Variants in SDK2 observed in about 807,000 individuals in gnomAD.
The protein encoded by SDK2 is protein sidekick-2.
SDK2 carries 105 observed loss-of-function variants against 253.9 expected under a neutral mutation model. That is an observed-to-expected ratio of 0.41 (90% CI 0.35 to 0.49). SDK2 has a LOEUF of 0.49. Ranked by LOEUF, SDK2 falls within the 20% of genes least tolerant of loss-of-function variation. The probability of loss-of-function intolerance (pLI) is 0.06; values close to 1 mark genes in which losing one functional copy is unlikely to be tolerated. For missense variants in SDK2, 2,608 were observed against 3,003.0 expected (o/e 0.87, Z 3.07); for synonymous variants, 1,249 against 1,234.9 (o/e 1.01, Z -0.24).
intron 44 of SDK2, among the ~76,000 whole-genome samples, chr17:73,344,547 T>C (rs2062466508): frequency 6.6e-6 from 1 of 152,230 alleles, no homozygotes; most frequent in African/African-American, 2.4e-5. Flanking sequence ...TGAACCTCAG[T>C]TTCCCCAGCT....
At chr17:73,585,550 G>C (rs2045592063) in intron 1 of SDK2, among the ~76,000 whole-genome samples, 1 of 152,146 alleles carries the variant, frequency 6.6e-6, no homozygotes, top group Non-Finnish European at 1.5e-5. Context: ...AAGTCTCTTG[G>C]GTTCCTTTTG....
chr17:73,596,271 T>C (rs2045757225), intron 1 of SDK2, among the ~76,000 whole-genome samples: 1 of 152,014 alleles, frequency 6.6e-6, no homozygotes, highest in Non-Finnish European at 1.5e-5. Context: ...GAAGGCAGCC[T>C]GGCATATGGG....
chr17:73,544,985 TTTCTTCCTTGGGCCTCCACTCC>T lies in SDK2; in HGVS notation c.65-37410_65-37389del, dbSNP rs926232708. 3.3e-5 allele frequency among the ~76,000 whole-genome samples: 5 copies of T among 151,586 alleles called. No individual in the cohort carries two copies. In the East Asian group the frequency reaches 9.7e-4, roughly 29 times the overall value. ...CAAGCACACCCCCTTGTCAAGGCTC[TTTCTTCCTTGGGCCTCCACTCC>T]TTCTTCCTTGGGCCCCCTCCTGTTG... is the stretch of plus-strand genomic sequence containing the variant. On this transcript the variant is annotated intron_variant, in intron 1 of 44. Transcript: ENST00000392650.
At chr17:73,460,610 C>T (rs912110860) in intron 3 of SDK2, among the ~76,000 whole-genome samples, 2 of 152,158 alleles carry the variant, frequency 1.3e-5, no homozygotes, top group Non-Finnish European at 2.9e-5. Flanking sequence ...AACATCACCT[C>T]CTCAATGAAG....
rs1300988065 is a variant in SDK2 at position 73,465,712 on chromosome 17, G to C, written c.331+6400C>G. On this transcript the variant is annotated intron_variant, in intron 3 of 44. Coordinates refer to ENST00000392650, the MANE Select transcript of SDK2 (RefSeq NM_001144952.2). The surrounding 1 kb of genome is among the most constrained non-coding windows in gnomAD (Gnocchi z 4.2). The stretch of plus-strand genomic sequence containing the variant: ...GCCATTATCATTAGTTGTTAGCACA[G>C]CTGCCTTATTAATTTCTCATTAGAA... Among the ~76,000 whole-genome samples the C allele has an allele frequency of 6.6e-6, 1 of 152,156 alleles. No individual in the cohort carries two copies. The highest frequency in any genetic ancestry group is 6.5e-5 in the Admixed American group (1 of 15,280).
At chr17:73,614,979 TAA>T (rs57411997) in intron 1 of SDK2, among the ~76,000 whole-genome samples, 4,277 of 137,270 alleles carry the variant, frequency 0.031, 92 homozygotes, top group African/African-American at 0.068. Context: ...GAATAGAAGA[TAA>T]AAAAAAAAAA....
At chr17:73,371,993 A>G (rs888560611) in intron 36 of SDK2, among the ~76,000 whole-genome samples, 6 of 151,954 alleles carry the variant, frequency 3.9e-5, no homozygotes, top group African/African-American at 1.2e-4. Context: ...AAAAGGCATA[A>G]AAAGAGGAAA....
Position 73,499,744 on chromosome 17 carries a change from T to C in SDK2, c.224+7694A>G, listed in dbSNP as rs1279933738. On this transcript the variant is annotated intron_variant, in intron 2 of 44. Coordinates refer to ENST00000392650, the MANE Select transcript of SDK2 (RefSeq NM_001144952.2). ...CCCTCTCTGAACTTCAGGTTCTTCA[T>C]TTGCAGAATGAAGGTAATGAGATTC... 2.6e-5 allele frequency among the ~76,000 whole-genome samples: 4 copies of C among 152,172 alleles called. No individual in the cohort carries two copies. The East Asian group carries it at 7.7e-4, about 29-fold the overall frequency.
rs142113272 is a variant in SDK2 at position 73,436,460 on chromosome 17, C to A, written c.1001-816G>T. Among the ~76,000 whole-genome samples the A allele has an allele frequency of 3.5e-3, 528 of 151,878 alleles. 5 individuals are homozygous for A. The highest frequency in any genetic ancestry group is 0.013 in the African/African-American group (521 of 41,356). On this transcript the variant is annotated intron_variant, in intron 8 of 44. Coordinates refer to ENST00000392650, the MANE Select transcript of SDK2 (RefSeq NM_001144952.2). Reference sequence around the variant, plus strand: ...GGTGTGCTGATGCATGCCTGTAATCCCAGCTACTTGGGAGGCTGAGGCAGG... The same window carrying A: ...GGTGTGCTGATGCATGCCTGTAATCACAGCTACTTGGGAGGCTGAGGCAGG...
chr17:73,585,077 ACAC>A (rs954078297), intron 1 of SDK2, among the ~76,000 whole-genome samples: 2 of 152,212 alleles, frequency 1.3e-5, no homozygotes, highest in African/African-American at 4.8e-5. Flanking sequence ...TGCCCAGCAC[ACAC>A]AACAGTGCCC....
At chr17:73,500,133 A>ATCCATCCTCCC (rs2063875928) in intron 2 of SDK2, among the ~76,000 whole-genome samples, 2 of 97,672 alleles carry the variant, frequency 2.0e-5, no homozygotes, top group Admixed American at 2.2e-4. Flanking sequence ...TCCATCCTCC[A>ATCCATCCTCCC]TCCATCCTCC....
chr17:73,357,506 TC>T (rs1254759727), intron 40 of SDK2: 1 of 199,282 alleles, frequency 5.0e-6, no homozygotes, highest in East Asian at 1.8e-4. Context: ...GGCTGCAAGC[TC>T]CTGAGAGTAA....
intron 1 of SDK2, among the ~76,000 whole-genome samples, chr17:73,606,691 C>T (rs1444428246): frequency 1.3e-5 from 2 of 152,092 alleles, no homozygotes; most frequent in African/African-American, 4.8e-5. Context: ...TGGAAAGTCA[C>T]GATCGACTCT....
chr17:73,611,124 T>C (rs1255904703), intron 1 of SDK2, among the ~76,000 whole-genome samples: 1 of 152,226 alleles, frequency 6.6e-6, no homozygotes, highest in African/African-American at 2.4e-5. Context: ...TCCGAGGGGT[T>C]GTGGTGCCAC....
intron 3 of SDK2, among the ~76,000 whole-genome samples, chr17:73,459,256 C>T (rs1236090130): frequency 6.6e-6 from 1 of 152,208 alleles, no homozygotes; most frequent in African/African-American, 2.4e-5. Context: ...CTCCAGATCC[C>T]CTTCTGTCCA....
chr17:73,506,616 G>T (rs1367320343), intron 2 of SDK2, among the ~76,000 whole-genome samples: 1 of 152,230 alleles, frequency 6.6e-6, no homozygotes, highest in East Asian at 1.9e-4. Flanking sequence ...AGACAATCTT[G>T]TTTCCCCAAC....
chr17:73,548,387 G>C (rs994616020), intron 1 of SDK2, among the ~76,000 whole-genome samples: 4 of 152,172 alleles, frequency 2.6e-5, no homozygotes, highest in African/African-American at 9.7e-5. Context: ...TATCCCCCCT[G>C]CCCCCGAGTG....
chr17:73,498,643 C>A (rs2063862214), intron 2 of SDK2, among the ~76,000 whole-genome samples: 1 of 152,174 alleles, frequency 6.6e-6, no homozygotes, highest in South Asian at 2.1e-4. Context: ...AAACCTGAGC[C>A]TTTGTGTTCC....
At position 73,555,704 on chromosome 17, in the gene SDK2, C is replaced by T. The variant is rs866900364; in HGVS notation, c.65-48107G>A. On this transcript the variant is annotated intron_variant, in intron 1 of 44. Coordinates refer to ENST00000392650, the MANE Select transcript of SDK2 (RefSeq NM_001144952.2). ...GTAGAGGAAGTGAGGGGCTGCCAGGCGCCAAGACCACATAAGCAGCAGATG... is the reference window on the plus strand; with the variant it reads ...GTAGAGGAAGTGAGGGGCTGCCAGGTGCCAAGACCACATAAGCAGCAGATG... Among the ~76,000 whole-genome samples the T allele has an allele frequency of 6.2e-4, 95 of 152,300 alleles. 1 individual carries two copies. The highest frequency in any genetic ancestry group is 2.1e-3 in the African/African-American group (89 of 41,564).
Sources: gnomAD v4.1 joint callset for allele counts (sites outside exome capture counted in the v4.1 genomes callset) on GRCh38, gnomAD v4.1.1 for gene constraint, Gnocchi (gnomAD v3.1) non-coding constraint, MANE v1.5 for transcripts, NCBI Gene and HGNC (gene_info 2026-07-23, HGNC 2026-07-21) for gene names.